DPY19L3: variants seen among roughly 807,000 people sequenced by gnomAD.
DPY19L3 encodes the protein protein C-mannosyl-transferase DPY19L3.
DPY19L3 carries 51 observed loss-of-function variants against 92.3 expected under a neutral mutation model. That is an observed-to-expected ratio of 0.55 (90% CI 0.44 to 0.70). The LOEUF (loss-of-function observed/expected upper bound fraction) is 0.70. Ranked by LOEUF, DPY19L3 falls within the 30% of genes least tolerant of loss-of-function variation. DPY19L3 has a pLI of 0.00. For missense variants in DPY19L3, 706 were observed against 855.9 expected (o/e 0.82, Z 2.18); for synonymous variants, 309 against 315.2 (o/e 0.98, Z 0.21).
intron 3 of DPY19L3, among the ~76,000 whole-genome samples, chr19:32,430,395 A>G (rs1006435496): frequency 3.3e-5 from 5 of 152,090 alleles, no homozygotes; most frequent in African/African-American, 1.2e-4. Context: ...AAAAAAATAA[A>G]TAAATTTCAG....
intron 10 of DPY19L3, 80 bp downstream of exon 10, chr19:32,455,120 T>C (rs1969826321): frequency 1.0e-6 from 1 of 980,634 alleles, no homozygotes; most frequent in Non-Finnish European, 1.5e-6. Flanking sequence ...ACTTTCTTTT[T>C]CTTTTTTAAT....
chr19:32,419,094 T>C (rs1174285832), intron 3 of DPY19L3, among the ~76,000 whole-genome samples: 1 of 152,114 alleles, frequency 6.6e-6, no homozygotes, highest in Non-Finnish European at 1.5e-5. Context: ...AAAATACCCT[T>C]TATTGAATGT....
At chr19:32,441,479 A>G (rs910681910) in intron 8 of DPY19L3, among the ~76,000 whole-genome samples, 21 of 147,644 alleles carry the variant, frequency 1.4e-4, no homozygotes, top group Non-Finnish European at 3.0e-5. Flanking sequence ...TTTTTCTGAT[A>G]ATGAACATGT....
intron 18 of DPY19L3, chr19:32,481,779 T>C (rs1228390413): frequency 4.1e-6 from 1 of 246,074 alleles, no homozygotes; most frequent in Non-Finnish European, 7.7e-6. Flanking sequence ...CTGTATTTCA[T>C]TTCTATGAGA....
rs1970706617 is a variant in DPY19L3 at position 32,482,552 on chromosome 19, A to C, written c.*312A>C. 3 of 222,598 alleles carry C rather than the reference A, an allele frequency of 1.3e-5. No individual in the cohort carries two copies. In the South Asian group the frequency reaches 3.1e-4, roughly 23 times the overall value. The allele number at this position is 222,598 out of a possible 1,614,324, so 13.8% of individuals were successfully genotyped here. A position where few individuals can be genotyped will look rare whatever the true frequency, so the allele number is the denominator to read the frequency against. On this transcript the variant is annotated 3_prime_UTR_variant, in exon 19 of 19. Coordinates refer to ENST00000392250, the MANE Select transcript of DPY19L3 (RefSeq NM_001172774.2). ...CCATGGATACCTGGATAGGCACATA[A>C]CATGTTGGAAGATGAGCACCTGCTC...
At chr19:32,458,800 T>C (rs1000764763) in intron 12 of DPY19L3, among the ~76,000 whole-genome samples, 4 of 152,178 alleles carry the variant, frequency 2.6e-5, no homozygotes, top group African/African-American at 9.7e-5. Context: ...ATCTTTAGAA[T>C]GGGAAGACTA....
chr19:32,430,499 C>T (rs1187279296), intron 3 of DPY19L3, among the ~76,000 whole-genome samples: 1 of 152,062 alleles, frequency 6.6e-6, no homozygotes, highest in African/African-American at 2.4e-5. Flanking sequence ...GCTACCCTAC[C>T]TCCCATTTTT....
At chr19:32,480,215 G>A (rs935320580) in intron 17 of DPY19L3, among the ~76,000 whole-genome samples, 184 bp from the exon 18 acceptor site, 3 of 152,172 alleles carry the variant, frequency 2.0e-5, no homozygotes, top group Non-Finnish European at 2.9e-5. Flanking sequence ...CACTCACAGC[G>A]TTCTGGGAAC....
At chr19:32,451,171 G>A (rs1258159415) in intron 8 of DPY19L3, among the ~76,000 whole-genome samples, 1 of 152,176 alleles carries the variant, frequency 6.6e-6, no homozygotes, top group African/African-American at 2.4e-5. Context: ...ACAAATTATG[G>A]CATATGGTGG....
At chr19:32,456,369 G>C (rs1969866443) in intron 10 of DPY19L3, among the ~76,000 whole-genome samples, 1 of 151,500 alleles carries the variant, frequency 6.6e-6, no homozygotes, top group South Asian at 2.1e-4. Context: ...ATGCCCAGCT[G>C]TCAGTATGTT....
Position 32,445,440 on chromosome 19 carries a change from C to CAAAAAAAAAAAAAAAAAAAAAAAA in DPY19L3, c.855+5551_855+5552insAAAAAAAAAAAAAAAAAAAAAAAA, listed in dbSNP as rs71336904. On this transcript the variant is annotated intron_variant, in intron 8 of 18. Transcript: ENST00000392250. The stretch of plus-strand genomic sequence containing the variant: ...TGGGGGACAGAGCGAGACTTCATCT[C>CAAAAAAAAAAAAAAAAAAAAAAAA]AAAAAAAAAAAAAAAAAAAAACCAT... Among the ~76,000 whole-genome samples the CAAAAAAAAAAAAAAAAAAAAAAAA allele has an allele frequency of 1.6e-4, 7 of 42,828 alleles. 1 individual carries two copies. The highest frequency in any genetic ancestry group is 8.7e-4 in the East Asian group (1 of 1,146). The allele number at this position is 42,828 out of a possible 152,430, so 28.1% of individuals were successfully genotyped here.
chr19:32,480,816 T>G, intron 18 of DPY19L3: 1 of 528,506 alleles, frequency 1.9e-6, no homozygotes, highest in Non-Finnish European at 3.3e-6. Flanking sequence ...TGCCTTCAGC[T>G]CATTTGTATG....
At chr19:32,481,510 G>A (rs1294519732) in intron 18 of DPY19L3, 1 of 152,156 alleles carries the variant, frequency 6.6e-6, no homozygotes, top group Non-Finnish European at 1.5e-5. Context: ...AACCTTCCAG[G>A]CTCAAGTGAT....
At chr19:32,406,774 A>G (rs1295831896) in intron 1 of DPY19L3, among the ~76,000 whole-genome samples, 1 of 152,212 alleles carries the variant, frequency 6.6e-6, no homozygotes, top group Non-Finnish European at 1.5e-5. Flanking sequence ...AGTGCCTGAC[A>G]CATAATTGGT....
intron 12 of DPY19L3, 44 bp from the exon 13 acceptor site, chr19:32,463,322 A>C: frequency 6.2e-7 from 1 of 1,606,666 alleles, no homozygotes; most frequent in Non-Finnish European, 8.5e-7. Context: ...TCTAACTAAA[A>C]TTATGTTTCC....
intron 8 of DPY19L3, among the ~76,000 whole-genome samples, chr19:32,449,506 T>C (rs749251712): frequency 6.6e-6 from 1 of 152,120 alleles, no homozygotes; most frequent in African/African-American, 2.4e-5. Context: ...AGACTCACAC[T>C]TTCCAATTAC....
At chr19:32,432,479 A>T (rs1434269914) in intron 3 of DPY19L3, among the ~76,000 whole-genome samples, 1 of 151,910 alleles carries the variant, frequency 6.6e-6, no homozygotes, top group African/African-American at 2.4e-5. Flanking sequence ...ATTCTTTAAA[A>T]TTTTTTTTAA....
At position 32,485,850 on chromosome 19, in the gene DPY19L3, G is replaced by T. The variant is rs1193321195; in HGVS notation, c.*3610G>T. 6.6e-6 allele frequency: 1 copy of T among 152,202 alleles called. No individual in the cohort carries two copies. Among genetic ancestry groups the T allele is most frequent in the East Asian group, 1.9e-4 (1 of 5,202 alleles). 9.4% of individuals were successfully genotyped at this position (152,202 alleles called of 1,614,324 possible). On this transcript the variant is annotated 3_prime_UTR_variant, in exon 19 of 19. Transcript: ENST00000392250. The stretch of plus-strand genomic sequence containing the variant: ...CTTTTATAATTTGTTTTACTGAATT[G>T]TATGGAGATTGTATACCAAGTAAAG...
chr19:32,411,489 G>A, intron 3 of DPY19L3, 117 bp downstream of exon 3: 1 of 1,048,800 alleles, frequency 9.5e-7, no homozygotes, highest in Non-Finnish European at 1.4e-6. Context: ...TCTCTAGAAA[G>A]GTTGGACTAT....
Sources: gnomAD v4.1 joint callset for allele counts (sites outside exome capture counted in the v4.1 genomes callset) on GRCh38, gnomAD v4.1.1 for gene constraint, MANE v1.5 for transcripts, NCBI Gene and HGNC (gene_info 2026-07-23, HGNC 2026-07-21) for gene names.